Variants in PCDHA1 observed in about 807,000 individuals in gnomAD.
The protein encoded by PCDHA1 is protocadherin alpha 1, also known as protocadherin alpha-1.
A neutral mutation model predicts 61.3 loss-of-function variants in PCDHA1; 42 were observed. That is an observed-to-expected ratio of 0.69 (90% CI 0.54 to 0.89). The LOEUF is 0.89. PCDHA1 is among the 40% of genes least tolerant of loss of function. The pLI, the probability that PCDHA1 is intolerant of heterozygous loss-of-function variation, is 0.00. For missense variants in PCDHA1, 1,256 were observed against 1,235.3 expected (o/e 1.02, Z -0.25); for synonymous variants, 610 against 553.8 (o/e 1.10, Z -1.43).
chr5:140,802,714 G>A (rs1554122306), intron 1 of PCDHA1: 1 of 1,612,568 alleles, frequency 6.2e-7, no homozygotes, highest in Non-Finnish European at 8.5e-7. Context: ...GCGCTGTCGA[G>A]CTACGTGTCG....
intron 3 of PCDHA1, among the ~76,000 whole-genome samples, chr5:140,994,608 G>C (rs1231327885): frequency 1.3e-5 from 2 of 152,098 alleles, no homozygotes; most frequent in Admixed American, 1.3e-4. Context: ...GGGAGGCTGA[G>C]GCACGAGAGT....
chr5:140,882,482 G>A, intron 1 of PCDHA1: 1 of 1,614,048 alleles, frequency 6.2e-7, no homozygotes, highest in South Asian at 1.1e-5. Context: ...CAAAAGACAC[G>A]GGGACCTTCT....
rs2150124973 is a variant in PCDHA1, at chr5:140,823,356, G to A, written c.2394+34672G>A. 1.7e-5 allele frequency: 28 copies of A among 1,612,466 alleles called. No individual in the cohort carries two copies. The African/African-American group carries it at 2.8e-4, about 16-fold the overall frequency. ...TGCAGCCGCTGGACCACGAGGAAGT[G>A]GAGCTGCTGCAGTTCCAGGTGAGCG... On this transcript the variant is annotated intron_variant, in intron 1 of 3. Coordinates refer to ENST00000504120, the MANE Select transcript of PCDHA1 (RefSeq NM_018900.4).
intron 1 of PCDHA1, chr5:140,807,687 T>C (rs782423945): frequency 1.2e-6 from 2 of 1,614,228 alleles, no homozygotes; most frequent in Non-Finnish European, 1.7e-6. Flanking sequence ...GAGAACGCCC[T>C]GCTCACTTAC....
intron 1 of PCDHA1, chr5:140,809,383 C>T (rs558389511): frequency 1.9e-6 from 3 of 1,614,038 alleles, no homozygotes; most frequent in African/African-American, 1.3e-5. Flanking sequence ...AGGGCGCGTG[C>T]GCTCCGGGCA....
intron 1 of PCDHA1, among the ~76,000 whole-genome samples, chr5:140,974,321 T>C (rs2096622495): frequency 6.6e-6 from 1 of 152,226 alleles, no homozygotes; most frequent in Non-Finnish European, 1.5e-5. Context: ...AGAGAGTAGC[T>C]GCTGTGCTAG....
intron 1 of PCDHA1, among the ~76,000 whole-genome samples, chr5:140,954,933 CTT>C (rs2095111807): frequency 6.6e-6 from 1 of 152,044 alleles, no homozygotes; most frequent in East Asian, 1.9e-4. Flanking sequence ...TTTAATTAAT[CTT>C]GAGTTAATTT....
intron 1 of PCDHA1, chr5:140,824,234 A>T: frequency 6.6e-7 from 1 of 1,516,800 alleles, no homozygotes; most frequent in Non-Finnish European, 9.1e-7. Context: ...TAGTACACAA[A>T]TATTGTGGTA....
rs144631339 is a variant in PCDHA1 at position 140,834,572 on chromosome 5, G to T, written c.2394+45888G>T. 285 of 1,614,126 alleles carry T rather than the reference G, an allele frequency of 1.8e-4. 1 individual carries two copies. In the African/African-American group the frequency reaches 1.9e-3, roughly 11 times the overall value. ...AGCTGGCGGAGCTGGTGCCGCGCCTGTTCCGGGCGGTGTGCAAATTCCGTG... is the reference window on the plus strand; with the variant it reads ...AGCTGGCGGAGCTGGTGCCGCGCCTTTTCCGGGCGGTGTGCAAATTCCGTG... On this transcript the variant is annotated intron_variant, in intron 1 of 3. Transcript: ENST00000504120.
Position 140,852,497 on chromosome 5 carries a change from C to T in PCDHA1, c.2394+63813C>T, listed in dbSNP as rs1462166963. The T allele has an allele frequency of 3.2e-5, 8 of 251,770 alleles. 1 individual carries two copies. The South Asian group carries it at 6.1e-4, about 19-fold the overall frequency. 15.6% of individuals were successfully genotyped at this position (251,770 alleles called of 1,614,324 possible). ...TTCATCATGTTGGCCAGGTTGGTCT[C>T]GAACTCCTGACCTTGTGATGCTCCC... is the stretch of plus-strand genomic sequence containing the variant. On this transcript the variant is annotated intron_variant, in intron 1 of 3. Coordinates refer to ENST00000504120, the MANE Select transcript of PCDHA1 (RefSeq NM_018900.4).
chr5:140,868,252 T>C (rs1186054905), intron 1 of PCDHA1: 1 of 152,134 alleles, frequency 6.6e-6, no homozygotes. Context: ...AGACTTTTCC[T>C]TTGTGGATTC....
chr5:140,956,044 T>G (rs1335890349), intron 1 of PCDHA1, among the ~76,000 whole-genome samples: 1 of 152,200 alleles, frequency 6.6e-6, no homozygotes, highest in African/African-American at 2.4e-5. Context: ...AAGAAGCTTT[T>G]GGGCTGAGAC....
chr5:140,843,697 T>G, intron 1 of PCDHA1: 1 of 1,583,576 alleles, frequency 6.3e-7, no homozygotes, highest in Non-Finnish European at 8.7e-7. Flanking sequence ...AAGATTTAAA[T>G]GTTGATCATG....
At chr5:140,794,872 TAA>T in intron 1 of PCDHA1, 1 of 1,347,756 alleles carries the variant, frequency 7.4e-7, no homozygotes, top group Admixed American at 2.3e-5. Context: ...AGCGGAGGAA[TAA>T]GAGAAGCAGC....
rs183652630 is a variant in PCDHA1 at position 140,854,028 on chromosome 5, G to A, written c.2394+65344G>A. 2.2e-3 allele frequency: 685 copies of A among 307,422 alleles called. 24 individuals are homozygous for A. The highest frequency in any genetic ancestry group is 3.0e-3 in the Non-Finnish European group (614 of 202,590). 19.0% of individuals were successfully genotyped at this position (307,422 alleles called of 1,614,324 possible). A position where few individuals can be genotyped will look rare whatever the true frequency, so the allele number is the denominator to read the frequency against. On this transcript the variant is annotated intron_variant, in intron 1 of 3. Transcript: ENST00000504120. ...AAAAAAAAAATTAGCCGGGCATGGTGGCACACATCTCTAGTCCCAATTACT... is the reference window on the plus strand; with the variant it reads ...AAAAAAAAAATTAGCCGGGCATGGTAGCACACATCTCTAGTCCCAATTACT...
At chr5:140,951,986 C>A (rs2094668313) in intron 1 of PCDHA1, among the ~76,000 whole-genome samples, 2 of 152,166 alleles carry the variant, frequency 1.3e-5, no homozygotes, top group African/African-American at 4.8e-5. Flanking sequence ...AAGGGAAAAA[C>A]CAGCCAAAAG....
At chr5:140,828,955 G>C (rs1770051113) in intron 1 of PCDHA1, 1 of 1,614,090 alleles carries the variant, frequency 6.2e-7, no homozygotes, top group African/African-American at 1.3e-5. Context: ...TTGCAGCCAT[G>C]GTTATTGACC....
intron 1 of PCDHA1, chr5:140,967,575 C>T: frequency 6.2e-7 from 1 of 1,614,156 alleles, no homozygotes. Context: ...CGGGAGGACT[C>T]ACCCCCAGGC....
chr5:140,822,693 A>G, intron 1 of PCDHA1: 1 of 1,609,820 alleles, frequency 6.2e-7, no homozygotes, highest in African/African-American at 1.3e-5. Context: ...TTAACGGGGA[A>G]CTGGATTATG....
Sources: gnomAD v4.1 joint callset for allele counts (sites outside exome capture counted in the v4.1 genomes callset) on GRCh38, gnomAD v4.1.1 for gene constraint, MANE v1.5 for transcripts, NCBI Gene and HGNC (gene_info 2026-07-23, HGNC 2026-07-21) for gene names.